Variants in KCNH8 observed in about 807,000 individuals in gnomAD.
KCNH8 encodes potassium voltage-gated channel subfamily H member 8.
In KCNH8, 70 loss-of-function variants were observed where a neutral mutation model predicts 103.6. That is an observed-to-expected ratio of 0.68 (90% CI 0.56 to 0.82). KCNH8 has a LOEUF of 0.82. Among genes scored for constraint, KCNH8 ranks in the 40% least tolerant of loss-of-function variants. The pLI, the probability that KCNH8 is intolerant of heterozygous loss-of-function variation, is 0.00. For synonymous variants in KCNH8, 498 were observed against 489.4 expected, an observed-to-expected ratio of 1.02 and a Z score of -0.23; for missense variants, 1,217 against 1,329.9, an observed-to-expected ratio of 0.92 and a Z score of 1.32.
chr3:19,528,585 A>G (rs1394169715), intron 15 of KCNH8, among the ~76,000 whole-genome samples: 1 of 152,158 alleles, frequency 6.6e-6, no homozygotes, highest in African/African-American at 2.4e-5. Flanking sequence ...GTATATGTGA[A>G]TTCTAACAGT....
intron 1 of KCNH8, among the ~76,000 whole-genome samples, chr3:19,154,883 G>T (rs2063166152): frequency 6.6e-6 from 1 of 152,164 alleles, no homozygotes. Flanking sequence ...CTTCGCCCTG[G>T]CAGTATATAT....
intron 1 of KCNH8, among the ~76,000 whole-genome samples, chr3:19,229,140 A>T (rs1035735815): frequency 2.0e-5 from 3 of 152,160 alleles, no homozygotes; most frequent in African/African-American, 7.2e-5. Flanking sequence ...TGACTTTATT[A>T]CTTCTGTCTG....
intron 2 of KCNH8, among the ~76,000 whole-genome samples, chr3:19,273,159 G>A (rs1301783384): frequency 1.3e-5 from 2 of 152,146 alleles, no homozygotes; most frequent in African/African-American, 4.8e-5. Flanking sequence ...TATTCTCATT[G>A]CTCTGCAAAG....
chr3:19,176,243 A>C (rs1389851915), intron 1 of KCNH8, among the ~76,000 whole-genome samples: 1 of 152,148 alleles, frequency 6.6e-6, no homozygotes, highest in Non-Finnish European at 1.5e-5. Flanking sequence ...TCAGCTTCTT[A>C]TTTGAAAGTA....
intron 11 of KCNH8, among the ~76,000 whole-genome samples, chr3:19,507,411 T>C (rs2068713688): frequency 6.6e-6 from 1 of 151,726 alleles, no homozygotes; most frequent in African/African-American, 2.4e-5. Context: ...TCATGAAGAG[T>C]GGGGGGCCTG....
chr3:19,357,364 A>G (rs1358311888), intron 5 of KCNH8, among the ~76,000 whole-genome samples: 1 of 151,864 alleles, frequency 6.6e-6, no homozygotes, highest in Non-Finnish European at 1.5e-5. Flanking sequence ...TGGATGGCCA[A>G]GCAGAAAGCT....
chr3:19,429,979 G>A (rs938703452), intron 7 of KCNH8, among the ~76,000 whole-genome samples: 7 of 152,104 alleles, frequency 4.6e-5, no homozygotes, highest in African/African-American at 1.2e-4. Context: ...TGGACATTTA[G>A]GTTGATTCCA....
At chr3:19,296,541 T>C (rs1408653302) in intron 3 of KCNH8, among the ~76,000 whole-genome samples, 1 of 152,380 alleles carries the variant, frequency 6.6e-6, no homozygotes, top group Admixed American at 6.5e-5. Flanking sequence ...ACAGATGCCA[T>C]GTCTGATTCA....
chr3:19,394,986 A>G (rs1002438259), intron 6 of KCNH8, 118 bp from the exon 7 acceptor site: 5 of 732,456 alleles, frequency 6.8e-6, no homozygotes, highest in Non-Finnish European at 1.2e-5. Context: ...ATTCATAAAA[A>G]TAATAATATG....
chr3:19,369,730 T>C (rs1427933049), intron 5 of KCNH8, among the ~76,000 whole-genome samples: 1 of 151,926 alleles, frequency 6.6e-6, no homozygotes, highest in Non-Finnish European at 1.5e-5. Flanking sequence ...ATCTAGTAAG[T>C]CATAAGTTTA....
At position 19,360,256 on chromosome 3, in the gene KCNH8, G is replaced by A. The variant is rs570959361; in HGVS notation, c.811+12291G>A. The stretch of plus-strand genomic sequence containing the variant: ...GTTTGCTGGGTTATTGTTTGCAGGA[G>A]CAAAATAATGGAAACAAAGTCTATA... On this transcript the variant is annotated intron_variant, in intron 5 of 15. Coordinates refer to ENST00000328405, the MANE Select transcript of KCNH8 (RefSeq NM_144633.3). 2.6e-5 allele frequency among the ~76,000 whole-genome samples: 4 copies of A among 152,112 alleles called. No homozygotes were observed. The South Asian group carries it at 8.3e-4, about 32-fold the overall frequency.
At chr3:19,334,048 G>C (rs2065547993) in intron 3 of KCNH8, among the ~76,000 whole-genome samples, 1 of 152,192 alleles carries the variant, frequency 6.6e-6, no homozygotes, top group African/African-American at 2.4e-5. Context: ...CTGACTCCAT[G>C]TTCACCAGCA....
chr3:19,507,967 G>C (rs1030975061), intron 11 of KCNH8, among the ~76,000 whole-genome samples: 3 of 152,144 alleles, frequency 2.0e-5, no homozygotes, highest in Non-Finnish European at 4.4e-5. Context: ...TATCATGAAG[G>C]GAAGTTGATT....
chr3:19,361,095 G>A (rs1364371375), intron 5 of KCNH8, among the ~76,000 whole-genome samples: 2 of 152,032 alleles, frequency 1.3e-5, no homozygotes, highest in Non-Finnish European at 2.9e-5. Flanking sequence ...ATCCCTATAT[G>A]TAGTATTCTA....
chr3:19,375,102 A>G (rs1197134926), intron 5 of KCNH8, among the ~76,000 whole-genome samples: 1 of 151,460 alleles, frequency 6.6e-6, no homozygotes, highest in African/African-American at 2.4e-5. Flanking sequence ...GCTCTTCTCA[A>G]GGAGTATCTT....
chr3:19,151,281 T>C (rs1490243549), intron 1 of KCNH8, among the ~76,000 whole-genome samples: 2 of 152,186 alleles, frequency 1.3e-5, no homozygotes, highest in Non-Finnish European at 2.9e-5. Flanking sequence ...GAGAAAACTA[T>C]TTACAAATTT....
rs565579567 is a variant in KCNH8, at chr3:19,272,135, C to A, written c.311-9063C>A. Among the ~76,000 whole-genome samples the A allele has an allele frequency of 1.4e-3, 217 of 151,966 alleles. 4 individuals carry two copies. In the South Asian group the frequency reaches 0.035, roughly 24 times the overall value. Reference sequence around the variant, plus strand: ...GTTTTTGACCTTGGATTCATCAAATCAAGATTAAAATTACCAGAAGAGAAA... The same window carrying A: ...GTTTTTGACCTTGGATTCATCAAATAAAGATTAAAATTACCAGAAGAGAAA... On this transcript the variant is annotated intron_variant, in intron 2 of 15. Transcript: ENST00000328405.
At chr3:19,481,229 C>G (rs1439251464) in intron 11 of KCNH8, among the ~76,000 whole-genome samples, 3 of 152,002 alleles carry the variant, frequency 2.0e-5, no homozygotes, top group Non-Finnish European at 2.9e-5. Context: ...GATATACTGA[C>G]TAGGGGGAAT....
chr3:19,440,783 T>G (rs975024277), intron 8 of KCNH8, among the ~76,000 whole-genome samples: 1 of 152,190 alleles, frequency 6.6e-6, no homozygotes, highest in Non-Finnish European at 1.5e-5. Context: ...TAGTTGTTTT[T>G]ATGTTCCATT....
Sources: gnomAD v4.1 joint callset for allele counts (sites outside exome capture counted in the v4.1 genomes callset) on GRCh38, gnomAD v4.1.1 for gene constraint, MANE v1.5 for transcripts, NCBI Gene and HGNC (gene_info 2026-07-23, HGNC 2026-07-21) for gene names.